COPS6: variants seen among roughly 807,000 people sequenced by gnomAD.
COPS6 encodes COP9 signalosome complex subunit 6.
COPS6 carries 9 observed loss-of-function variants against 41.0 expected under a neutral mutation model. That is an observed-to-expected ratio of 0.22 (90% CI 0.13 to 0.38). The LOEUF is 0.38. Among genes scored for constraint, COPS6 ranks in the 10% least tolerant of loss-of-function variants. The probability of loss-of-function intolerance (pLI) is 1.00; values close to 1 mark genes in which losing one functional copy is unlikely to be tolerated. For missense variants in COPS6, 302 were observed against 436.7 expected, an observed-to-expected ratio of 0.69 and a Z score of 2.75; for synonymous variants, 179 against 162.9, an observed-to-expected ratio of 1.10 and a Z score of -0.75.
Position 100,091,625 on chromosome 7 carries a change from C to A in COPS6, c.844-24C>A. ...GCATGCCACGAGGGATCCCGAGGAA[C>A]TGGTCCTTTCTGTTCCCTCCCAGCA... On this transcript the variant is annotated intron_variant, in intron 9 of 9. Coordinates refer to ENST00000303904, the MANE Select transcript of COPS6 (RefSeq NM_006833.5). The surrounding 1 kb of genome is among the most constrained non-coding windows in gnomAD (Gnocchi z 4.1). 1 of 1,614,200 alleles carries A rather than the reference C, an allele frequency of 6.2e-7. No homozygotes were observed. The highest frequency in any genetic ancestry group is 8.5e-7 in the Non-Finnish European group (1 of 1,180,018).
chr7:100,090,961 C>T lies in COPS6; in HGVS notation c.534+12C>T. ...TAATCAATGGAGAGGTAATACCCTA[C>T]CCTTCAACCCTCAGATCCTGCTCTT... On this transcript the variant is annotated intron_variant, in intron 6 of 9. Transcript: ENST00000303904. The T allele has an allele frequency of 6.2e-7, 1 of 1,614,054 alleles. No individual in the cohort carries two copies. Among genetic ancestry groups the T allele is most frequent in the South Asian group, 1.1e-5 (1 of 91,086 alleles).
Position 100,090,938 on chromosome 7 carries a change from A to G in COPS6, c.523A>G (p.Ile175Val). The G allele has an allele frequency of 6.2e-7, 1 of 1,614,182 alleles. No homozygotes were observed. Among genetic ancestry groups the G allele is most frequent in the Non-Finnish European group, 8.5e-7 (1 of 1,180,018 alleles). ...CGTTTTTGAGTCTGTCATTGATATA[A>G]TCAATGGAGAGGTAATACCCTACCC... ...VSVFESVIDIINGEATMLFAE... is the reference protein window; with the variant it reads ...VSVFESVIDIVNGEATMLFAE... Residue 175 changes from isoleucine to valine, a missense_variant, in exon 6 of 10, where the codon ATC becomes GTC. Coordinates refer to ENST00000303904, the MANE Select transcript of COPS6 (RefSeq NM_006833.5).
chr7:100,092,020 G>C lies in COPS6; in HGVS notation c.*231G>C. The C allele has an allele frequency of 1.8e-6, 1 of 568,068 alleles. No homozygotes were observed. Among genetic ancestry groups the C allele is most frequent in the Non-Finnish European group, 3.1e-6 (1 of 320,044 alleles). The allele number at this position is 568,068 out of a possible 1,614,324, so 35.2% of individuals were successfully genotyped here. Reference sequence around the variant, plus strand: ...GCCCTTCTGATGCTCTTCAGTGAGGGAGGCACTACCATTTGAAGTGACCCC... The same window carrying C: ...GCCCTTCTGATGCTCTTCAGTGAGGCAGGCACTACCATTTGAAGTGACCCC... On this transcript the variant is annotated 3_prime_UTR_variant, in exon 10 of 10. Transcript: ENST00000303904.
chr7:100,090,343 G>A (rs1795293502), intron 3 of COPS6, 56 bp from the exon 4 acceptor site: 20 of 1,320,336 alleles, frequency 1.5e-5, no homozygotes, highest in South Asian at 2.4e-5. Flanking sequence ...GCGAGATTCC[G>A]TCTCAGAAAA....
In COPS6 at chr7:100,091,011, C is replaced by T; in HGVS notation, c.535-27C>T. On this transcript the variant is annotated intron_variant, in intron 6 of 9. Coordinates refer to ENST00000303904, the MANE Select transcript of COPS6 (RefSeq NM_006833.5). The surrounding 1 kb of genome is among the most constrained non-coding windows in gnomAD (Gnocchi z 4.1). ...TGGCCTCTTTCCTGCTTTTGATTCTCCCTTTGTGGGTTACCTTGCCCTGTA... is the reference window on the plus strand; with the variant it reads ...TGGCCTCTTTCCTGCTTTTGATTCTTCCTTTGTGGGTTACCTTGCCCTGTA... 6.2e-7 allele frequency: 1 copy of T among 1,613,822 alleles called. No individual in the cohort carries two copies. The highest frequency in any genetic ancestry group is 2.2e-5 in the East Asian group (1 of 44,888).
In COPS6 at chr7:100,090,967, AAC is replaced by A; in HGVS notation, c.534+19_534+20del. Reference sequence around the variant, plus strand: ...ATGGAGAGGTAATACCCTACCCTTCAACCCTCAGATCCTGCTCTTGGCCTCTT... The same window carrying A: ...ATGGAGAGGTAATACCCTACCCTTCACCTCAGATCCTGCTCTTGGCCTCTT... On this transcript the variant is annotated intron_variant, in intron 6 of 9. Coordinates refer to ENST00000303904, the MANE Select transcript of COPS6 (RefSeq NM_006833.5). The A allele has an allele frequency of 1.2e-6, 2 of 1,614,082 alleles. No homozygotes were observed. Among genetic ancestry groups the A allele is most frequent in the Non-Finnish European group, 1.7e-6 (2 of 1,179,914 alleles).
At position 100,091,317 on chromosome 7, in the gene COPS6, G is replaced by T; in HGVS notation, c.729G>T (p.Lys243Asn). ...SRVKLILEYV[K>N]ASEAGEVPFN... ...TCAAGCTCATCTTGGAGTACGTCAA[G>T]GCCTCTGAAGCGGGTAGGACAGGGG... The change falls in exon 8 of 10, where the codon AAG (lysine) becomes AAT (asparagine). Residue 243 changes from lysine (K) to asparagine (N), a missense_variant. Physicochemically the swap from Lys to Asn is moderately conservative, Grantham distance 94 (BLOSUM62 0). Around this residue, in one of 3 missense-constraint regions of COPS6, gnomAD observed 222 missense variants for 309.0 expected, o/e 0.72. Transcript: ENST00000303904. This position sits in a 1 kb window ranked among gnomAD's most constrained non-coding sequence, Gnocchi z 4.1. 6.2e-7 allele frequency: 1 copy of T among 1,614,186 alleles called. No individual in the cohort carries two copies. Among genetic ancestry groups the T allele is most frequent in the Non-Finnish European group, 8.5e-7 (1 of 1,180,018 alleles).
chr7:100,091,941 C>A lies in COPS6; in HGVS notation c.*152C>A. ...TGGCTCTGTCCTCTGTTAGGCACCA[C>A]ACTGGTTGGTCAACTTGGATGTTCA... On this transcript the variant is annotated 3_prime_UTR_variant, in exon 10 of 10. Transcript: ENST00000303904. The surrounding 1 kb of genome is among the most constrained non-coding windows in gnomAD (Gnocchi z 4.1). The A allele has an allele frequency of 1.1e-6, 1 of 932,906 alleles. No individual in the cohort carries two copies. The highest frequency in any genetic ancestry group is 1.6e-6 in the Non-Finnish European group (1 of 629,148). The allele number at this position is 932,906 out of a possible 1,614,324, so 57.8% of individuals were successfully genotyped here.
At position 100,089,014 on chromosome 7, in the gene COPS6, T is replaced by C. The variant is rs1446984232; in HGVS notation, c.24T>C (p.Ala8=). The change falls in exon 1 of 10, where the codon GCT becomes GCC. Residue 8 remains alanine (A), a synonymous_variant. Coordinates refer to ENST00000303904, the MANE Select transcript of COPS6 (RefSeq NM_006833.5). ...AAATGGCGGCGGCGGCGGCGGCGGCTGCAGCTACGAACGGGACCGGAGGAA... is the reference window on the plus strand; with the variant it reads ...AAATGGCGGCGGCGGCGGCGGCGGCCGCAGCTACGAACGGGACCGGAGGAA... The part of the protein sequence containing the change: MAAAAAA[A]AATNGTGGSS... The C allele has an allele frequency of 2.3e-6, 3 of 1,314,826 alleles. No homozygotes were observed. Among genetic ancestry groups the C allele is most frequent in the Non-Finnish European group, 1.9e-6 (2 of 1,029,010 alleles). The allele number at this position is 1,314,826 out of a possible 1,614,324, so 81.4% of individuals were successfully genotyped here.
chr7:100,090,364 A>AT, intron 3 of COPS6, 35 bp from the exon 4 acceptor site: 5 of 1,441,858 alleles, frequency 3.5e-6, no homozygotes, highest in African/African-American at 1.4e-5. Flanking sequence ...AAAAAAAAAA[A>AT]GAATTACTAT....
At position 100,091,811 on chromosome 7, in the gene COPS6, T is replaced by C; in HGVS notation, c.*22T>C. On this transcript the variant is annotated 3_prime_UTR_variant, in exon 10 of 10. Coordinates refer to ENST00000303904, the MANE Select transcript of COPS6 (RefSeq NM_006833.5). This position sits in a 1 kb window ranked among gnomAD's most constrained non-coding sequence, Gnocchi z 4.1. ...CTGATGAGGGTACTTGAAGGGCTGA[T>C]GGACAGGGGTCAGGCAACTATCCCA... 1 of 1,614,038 alleles carries C rather than the reference T, an allele frequency of 6.2e-7. No homozygotes were observed. Among genetic ancestry groups the C allele is most frequent in the Non-Finnish European group, 8.5e-7 (1 of 1,179,908 alleles).
Position 100,091,215 on chromosome 7 carries a change from C to T in COPS6, c.650-23C>T, listed in dbSNP as rs1185052172. ...TGTGGCCACATCCCGTCTCAACCTC[C>T]TCCTGTCCTCATCCCCTTGCAGTGG... On this transcript the variant is annotated intron_variant, in intron 7 of 9. Transcript: ENST00000303904. This position sits in a 1 kb window ranked among gnomAD's most constrained non-coding sequence, Gnocchi z 4.1. The T allele has an allele frequency of 1.2e-6, 2 of 1,614,074 alleles. No homozygotes were observed. Among genetic ancestry groups the T allele is most frequent in the Non-Finnish European group, 1.7e-6 (2 of 1,179,888 alleles).
In COPS6 at chr7:100,091,958, G is replaced by A; in HGVS notation, c.*169G>A. On this transcript the variant is annotated 3_prime_UTR_variant, in exon 10 of 10. Transcript: ENST00000303904. The surrounding 1 kb of genome is among the most constrained non-coding windows in gnomAD (Gnocchi z 4.1). ...AGGCACCACACTGGTTGGTCAACTTGGATGTTCATCGAGGCTCATTCTGGC... is the reference window on the plus strand; with the variant it reads ...AGGCACCACACTGGTTGGTCAACTTAGATGTTCATCGAGGCTCATTCTGGC... 1 of 789,196 alleles carries A rather than the reference G, an allele frequency of 1.3e-6. No homozygotes were observed. Among genetic ancestry groups the A allele is most frequent in the South Asian group, 1.8e-5 (1 of 54,610 alleles). 48.9% of individuals were successfully genotyped at this position (789,196 alleles called of 1,614,324 possible).
At chr7:100,090,068 G>C (rs1795288949) in intron 3 of COPS6, 1 of 440,140 alleles carries the variant, frequency 2.3e-6, no homozygotes, top group Non-Finnish European at 4.1e-6. Flanking sequence ...TACTATGTCA[G>C]GCCGGGCTCA....
In COPS6 at chr7:100,090,968, A is replaced by G. The variant is rs1347725607; in HGVS notation, c.534+19A>G. ...TGGAGAGGTAATACCCTACCCTTCA[A>G]CCCTCAGATCCTGCTCTTGGCCTCT... is the stretch of plus-strand genomic sequence containing the variant. On this transcript the variant is annotated intron_variant, in intron 6 of 9. Coordinates refer to ENST00000303904, the MANE Select transcript of COPS6 (RefSeq NM_006833.5). The G allele has an allele frequency of 1.2e-6, 2 of 1,613,968 alleles. No homozygotes were observed. Among genetic ancestry groups the G allele is most frequent in the East Asian group, 2.2e-5 (1 of 44,876 alleles).
chr7:100,089,189 G>A, intron 1 of COPS6, 101 bp from the exon 2 acceptor site: 2 of 1,528,126 alleles, frequency 1.3e-6, no homozygotes, highest in Non-Finnish European at 1.8e-6. Context: ...ATAAGTTACG[G>A]GAGGAAAGTG....
At position 100,091,598 on chromosome 7, in the gene COPS6, G is replaced by A. The variant is rs372821078; in HGVS notation, c.844-51G>A. On this transcript the variant is annotated intron_variant, in intron 9 of 9. Transcript: ENST00000303904. The surrounding 1 kb of genome is among the most constrained non-coding windows in gnomAD (Gnocchi z 4.1). ...GCAGGACTGGGGACTGTTGTTCCCCGGGCATGCCACGAGGGATCCCGAGGA... is the reference window on the plus strand; with the variant it reads ...GCAGGACTGGGGACTGTTGTTCCCCAGGCATGCCACGAGGGATCCCGAGGA... 7.7e-5 allele frequency: 125 copies of A among 1,613,648 alleles called. 1 individual carries two copies. Among genetic ancestry groups the A allele is most frequent in the East Asian group, 4.0e-4 (18 of 44,888 alleles).
Position 100,089,027 on chromosome 7 carries a change from G to T in COPS6, c.37G>T (p.Gly13Trp). Residue 13 changes from glycine (G) to tryptophan (W), a missense_variant, in exon 1 of 10, where the codon GGG becomes TGG. Transcript: ENST00000303904. ...GGCGGCGGCGGCTGCAGCTACGAAC[G>T]GGACCGGAGGAAGCAGCGGGATGGA... ...AAAAAAAATN[G>W]TGGSSGMEVD... The T allele has an allele frequency of 3.0e-6, 4 of 1,326,966 alleles. No individual in the cohort carries two copies. The South Asian group carries it at 7.1e-5, about 23-fold the overall frequency. 82.2% of individuals were successfully genotyped at this position (1,326,966 alleles called of 1,614,324 possible).
Position 100,091,797 on chromosome 7 carries a change from A to C in COPS6, c.*8A>C, listed in dbSNP as rs1795328549. ...CGCGGGCTCTTTTTCTGATGAGGGT[A>C]CTTGAAGGGCTGATGGACAGGGGTC... On this transcript the variant is annotated 3_prime_UTR_variant, in exon 10 of 10. Transcript: ENST00000303904. This position sits in a 1 kb window ranked among gnomAD's most constrained non-coding sequence, Gnocchi z 4.1. The C allele has an allele frequency of 1.9e-6, 3 of 1,614,080 alleles. No individual in the cohort carries two copies. The African/African-American group carries it at 4.0e-5, about 22-fold the overall frequency.
Sources: gnomAD v4.1 joint callset for allele counts on GRCh38, gnomAD v4.1.1 for gene constraint, gnomAD v4.1.1 regional missense constraint, Gnocchi (gnomAD v3.1) non-coding constraint, MANE v1.5 for transcripts, NCBI Gene and HGNC (gene_info 2026-07-23, HGNC 2026-07-21) for gene names.